PREPL: variants seen among roughly 807,000 people sequenced by gnomAD.
PREPL encodes the protein prolyl endopeptidase-like.
In PREPL, 77 loss-of-function variants were observed where a neutral mutation model predicts 70.6. That is an observed-to-expected ratio of 1.09 (90% confidence interval 0.91 to 1.32). The LOEUF is 1.32. Ranked by LOEUF, PREPL falls within the 40% of genes most tolerant of loss-of-function variation. The pLI, the probability that PREPL is intolerant of heterozygous loss-of-function variation, is 0.00. For synonymous variants in PREPL, 315 were observed against 264.8 expected (o/e 1.19, Z -1.84); for missense variants, 1,002 against 778.2 (o/e 1.29, Z -3.42).
At chr2:44,336,018 C>T (rs1674601924) in intron 7 of PREPL, among the ~76,000 whole-genome samples, 1 of 152,070 alleles carries the variant, frequency 6.6e-6, no homozygotes, top group African/African-American at 2.4e-5. Context: ...CATCTCACAT[C>T]AGTTAGAATG....
At position 44,346,401 on chromosome 2, in the gene PREPL, T is replaced by C; in HGVS notation, c.-48-11A>G. 6.2e-7 allele frequency: 1 copy of C among 1,610,048 alleles called. No homozygotes were observed. Among genetic ancestry groups the C allele is most frequent in the Non-Finnish European group, 8.5e-7 (1 of 1,178,800 alleles). The stretch of plus-strand genomic sequence containing the variant: ...AACAGGCTGAAGATCCTGGAAAAAG[T>C]TTTGTTATGATCAAAATATTTCAAA... On this transcript the variant is annotated splice_polypyrimidine_tract_variant and intron_variant, in intron 1 of 13. Coordinates refer to ENST00000409411, the MANE Select transcript of PREPL (RefSeq NM_001171613.2).
At position 44,342,547 on chromosome 2, in the gene PREPL, C is replaced by G. The variant is rs1675337911; in HGVS notation, c.355G>C (p.Val119Leu). 1 of 1,552,548 alleles carries G rather than the reference C, an allele frequency of 6.4e-7. No individual in the cohort carries two copies. The highest frequency in any genetic ancestry group is 8.7e-7 in the Non-Finnish European group (1 of 1,146,638). Residue 119 changes from valine (V) to leucine (L), a missense_variant, in exon 5 of 14, where the codon GTA becomes CTA. Transcript: ENST00000409411. Reference sequence around the variant, plus strand: ...ACATCTTCATCTTCCTCGTCCTTTACCCATTCTGAAAGAAAATAATGAGAT... The same window carrying G: ...ACATCTTCATCTTCCTCGTCCTTTAGCCATTCTGAAAGAAAATAATGAGAT... ...SFPNVSSFEW[V>L]KDEEDEDVLF...
chr2:44,323,293 C>A lies in PREPL; in HGVS notation c.1598G>T (p.Arg533Leu), dbSNP rs375292548. Residue 533 changes from arginine (R) to leucine (L), a missense_variant, in exon 11 of 14, where the codon CGT becomes CTT. Arg to Leu is a moderately radical substitution (Grantham distance 102). Coordinates refer to ENST00000409411, the MANE Select transcript of PREPL (RefSeq NM_001171613.2). Reference sequence around the variant, plus strand: ...TTTAATATTTTGATAGGGACAGTAACGTTTTATGTAGTTCTTGTGTTTTTC... The same window carrying A: ...TTTAATATTTTGATAGGGACAGTAAAGTTTTATGTAGTTCTTGTGTTTTTC... ...SDEKHKNYIK[R>L]YCPYQNIKPQ... is the part of the protein sequence containing the mutation. The A allele has an allele frequency of 1.2e-4, 200 of 1,606,356 alleles. 1 individual carries two copies. Among genetic ancestry groups the A allele is most frequent in the Middle Eastern group, 9.9e-4 (6 of 6,040 alleles).
intron 3 of PREPL, 130 bp downstream of exon 3, chr2:44,344,390 G>T: frequency 1.4e-6 from 1 of 711,938 alleles, no homozygotes; most frequent in Non-Finnish European, 2.2e-6. Context: ...TTAAAAACTA[G>T]TCATTAAAAA....
Position 44,318,712 on chromosome 2 carries a change from C to T in PREPL, c.*2644G>A, listed in dbSNP as rs569802469. ...GCTATGGAAAGGTGTTGAAGAAAAC[C>T]TTTTTATAGTATGTATTCTTGTAAT... On this transcript the variant is annotated 3_prime_UTR_variant, in exon 14 of 14. Coordinates refer to ENST00000409411, the MANE Select transcript of PREPL (RefSeq NM_001171613.2). 2.6e-4 allele frequency: 39 copies of T among 151,962 alleles called. No homozygotes were observed. Among genetic ancestry groups the T allele is most frequent in the African/African-American group, 9.2e-4 (38 of 41,436 alleles). The allele number at this position is 151,962 out of a possible 1,614,324, so 9.4% of individuals were successfully genotyped here. A position where few individuals can be genotyped will look rare whatever the true frequency, so the allele number is the denominator to read the frequency against.
chr2:44,337,556 G>A (rs1674762326), intron 7 of PREPL, among the ~76,000 whole-genome samples: 1 of 152,158 alleles, frequency 6.6e-6, no homozygotes, highest in Non-Finnish European at 1.5e-5. Context: ...TTGGAGTTAG[G>A]GAGGTATAAA....
At chr2:44,333,006 C>T (rs1464491752) in intron 7 of PREPL, among the ~76,000 whole-genome samples, 2 of 152,236 alleles carry the variant, frequency 1.3e-5, no homozygotes, top group Admixed American at 6.5e-5. Context: ...AATTCCAGAA[C>T]CCACCGACAC....
chr2:44,343,910 G>A lies in PREPL; in HGVS notation c.184C>T (p.Leu62Phe), dbSNP rs747196378. Residue 62 changes from leucine to phenylalanine, a missense_variant, in exon 4 of 14, where the codon CTT becomes TTT. Physicochemically the swap from Leu to Phe is conservative, Grantham distance 22 (BLOSUM62 0). Transcript: ENST00000409411. ...TCAATGAAGGGCTGGTCTAACTTAAGTTCCTCCAAATTGAATAAAACTTCA... is the reference window on the plus strand; with the variant it reads ...TCAATGAAGGGCTGGTCTAACTTAAATTCCTCCAAATTGAATAAAACTTCA... Reference protein sequence around the residue: ...NYEVLFNLEELKLDQPFIDCI... With the variant: ...NYEVLFNLEEFKLDQPFIDCI... The A allele has an allele frequency of 1.9e-6, 3 of 1,613,898 alleles. No homozygotes were observed. The highest frequency in any genetic ancestry group is 1.3e-5 in the African/African-American group (1 of 74,912).
At chr2:44,350,936 C>G (rs1157158016) in intron 1 of PREPL, among the ~76,000 whole-genome samples, 4 of 150,730 alleles carry the variant, frequency 2.7e-5, no homozygotes, top group African/African-American at 9.7e-5. Context: ...TTCTCAGTAT[C>G]TTTAGCTAGT....
In PREPL at chr2:44,354,683, T is replaced by G. The variant is rs540855569; in HGVS notation, c.-49+6697A>C. 1.2e-4 allele frequency among the ~76,000 whole-genome samples: 18 copies of G among 152,276 alleles called. No individual in the cohort carries two copies. In the East Asian group the frequency reaches 3.5e-3, roughly 29 times the overall value. On this transcript the variant is annotated intron_variant, in intron 1 of 13. Transcript: ENST00000409411. ...TCCACCTCCCGGGTTCAAGTGATTC[T>G]CCTTCCTCAGCGTCCCGAGTAGCTG...
Position 44,319,139 on chromosome 2 carries a change from T to C in PREPL, c.*2217A>G, listed in dbSNP as rs1672701286. 6.6e-6 allele frequency: 1 copy of C among 152,578 alleles called. No homozygotes were observed. The highest frequency in any genetic ancestry group is 2.4e-5 in the African/African-American group (1 of 41,436). The allele number at this position is 152,578 out of a possible 1,614,324, so 9.5% of individuals were successfully genotyped here. A position where few individuals can be genotyped will look rare whatever the true frequency, so the allele number is the denominator to read the frequency against. On this transcript the variant is annotated 3_prime_UTR_variant, in exon 14 of 14. Coordinates refer to ENST00000409411, the MANE Select transcript of PREPL (RefSeq NM_001171613.2). ...TTGTACCTGACAAACAGAATAAACA[T>C]CTTTTTAAACACCATTAGATAATTA...
rs201427100 is a variant in PREPL, at chr2:44,323,388, G to A, written c.1503C>T (p.Asn501=). The part of the protein sequence containing the change: ...TLEAPFLDVL[N]TMMDTTLPLT... ...GAGGAAGTGTAGTGTCCATCATGGT[G>A]TTGAGAACATCCAAGAAAGGTGCCT... Residue 501 remains asparagine, a synonymous_variant, in exon 11 of 14, where the codon AAC becomes AAT. Transcript: ENST00000409411. The A allele has an allele frequency of 4.5e-5, 72 of 1,598,038 alleles. No individual in the cohort carries two copies. Among genetic ancestry groups the A allele is most frequent in the Admixed American group, 5.2e-5 (3 of 57,382 alleles).
At position 44,342,522 on chromosome 2, in the gene PREPL, A is replaced by T; in HGVS notation, c.380T>A (p.Val127Asp). ...EWVKDEEDED[V>D]LFYTFQRNLR... ...GTTCCTCTGGAAGGTGTAGAATAAA[A>T]CATCTTCATCTTCCTCGTCCTTTAC... Residue 127 changes from valine (V) to aspartate (D), a missense_variant, in exon 5 of 14, where the codon GTT becomes GAT. Coordinates refer to ENST00000409411, the MANE Select transcript of PREPL (RefSeq NM_001171613.2). The T allele has an allele frequency of 6.2e-7, 1 of 1,611,480 alleles. No homozygotes were observed. The highest frequency in any genetic ancestry group is 8.5e-7 in the Non-Finnish European group (1 of 1,178,016).
chr2:44,343,733 T>C lies in PREPL; in HGVS notation c.349+12A>G. The C allele has an allele frequency of 1.9e-6, 3 of 1,606,620 alleles. No individual in the cohort carries two copies. Among genetic ancestry groups the C allele is most frequent in the South Asian group, 1.1e-5 (1 of 90,886 alleles). On this transcript the variant is annotated intron_variant, in intron 4 of 13. Transcript: ENST00000409411. ...CTTTCAACACAGAGGACTATTTTGG[T>C]TGGTGGCTTACCAAAACTGGACACA...
intron 1 of PREPL, among the ~76,000 whole-genome samples, chr2:44,351,024 G>C (rs539543389): frequency 6.6e-6 from 1 of 151,120 alleles, no homozygotes; most frequent in South Asian, 2.1e-4. Flanking sequence ...CTGGGTTCAA[G>C]CGATTCTCCT....
intron 10 of PREPL, among the ~76,000 whole-genome samples, 156 bp downstream of exon 10, chr2:44,326,556 T>G (rs1200602056): frequency 4.0e-5 from 6 of 151,694 alleles, no homozygotes; most frequent in African/African-American, 1.5e-4. Flanking sequence ...CAGGCTGGTC[T>G]CGAGCTCCTG....
In PREPL at chr2:44,323,366, G is replaced by C. The variant is rs2103696106; in HGVS notation, c.1525C>G (p.Pro509Ala). ...VLNTMMDTTL[P>A]LTLEELEEWG... is the part of the protein sequence containing the mutation. ...TCTTCTAATTCTTCTAATGTCAGAG[G>C]AAGTGTAGTGTCCATCATGGTGTTG... The change falls in exon 11 of 14, where the codon CCT becomes GCT. Residue 509 changes from proline (P) to alanine (A), a missense_variant. By Grantham distance (27) the Pro-to-Ala change is conservative (BLOSUM62 -1). Coordinates refer to ENST00000409411, the MANE Select transcript of PREPL (RefSeq NM_001171613.2). 4 of 1,606,784 alleles carry C rather than the reference G, an allele frequency of 2.5e-6. No individual in the cohort carries two copies. Among genetic ancestry groups the C allele is most frequent in the Non-Finnish European group, 3.4e-6 (4 of 1,174,016 alleles).
intron 7 of PREPL, among the ~76,000 whole-genome samples, chr2:44,337,158 T>C (rs988281122): frequency 2.6e-5 from 4 of 152,208 alleles, no homozygotes; most frequent in Non-Finnish European, 5.9e-5. Flanking sequence ...TTCCTGAACA[T>C]TTTCTGAATG....
Position 44,320,949 on chromosome 2 carries a change from C to T in PREPL, c.*407G>A. On this transcript the variant is annotated 3_prime_UTR_variant, in exon 14 of 14. Coordinates refer to ENST00000409411, the MANE Select transcript of PREPL (RefSeq NM_001171613.2). ...TTAAGGGGAAGAATTTTATCTTTTC[C>T]CTTAAAATGCAGTCATAGAAATTAG... is the stretch of plus-strand genomic sequence containing the variant. The T allele has an allele frequency of 2.4e-6, 1 of 410,770 alleles. No individual in the cohort carries two copies. Among genetic ancestry groups the T allele is most frequent in the South Asian group, 2.5e-5 (1 of 39,238 alleles). The allele number at this position is 410,770 out of a possible 1,614,324, so 25.4% of individuals were successfully genotyped here.
Sources: allele counts gnomAD v4.1 joint callset (sites outside exome capture counted in the v4.1 genomes callset), GRCh38; gene constraint gnomAD v4.1.1; transcripts MANE v1.5; gene names NCBI Gene and HGNC (gene_info 2026-07-23, HGNC 2026-07-21).